Variants in SPAG16 observed in about 807,000 individuals in gnomAD.
The protein encoded by SPAG16 is sperm associated antigen 16, also known as sperm-associated antigen 16 protein.
In SPAG16, 86 loss-of-function variants were observed where a neutral mutation model predicts 80.4. The observed-to-expected ratio is 1.07, with a 90% CI of 0.90 to 1.28. SPAG16 has a LOEUF of 1.28. Ranked by LOEUF, SPAG16 falls within the 50% of genes most tolerant of loss-of-function variation. The pLI, the probability that SPAG16 is intolerant of heterozygous loss-of-function variation, is 0.00. For missense variants in SPAG16, 870 were observed against 765.3 expected, an observed-to-expected ratio of 1.14 and a Z score of -1.61; for synonymous variants, 294 against 265.9, an observed-to-expected ratio of 1.11 and a Z score of -1.03.
chr2:213,471,926 C>T (rs2073102429), intron 9 of SPAG16, among the ~76,000 whole-genome samples: 1 of 152,198 alleles, frequency 6.6e-6, no homozygotes, highest in Non-Finnish European at 1.5e-5. Flanking sequence ...AGATCCCACA[C>T]AACTGGACCC....
At chr2:213,367,671 T>C (rs2066389307) in intron 8 of SPAG16, among the ~76,000 whole-genome samples, 1 of 151,860 alleles carries the variant, frequency 6.6e-6, no homozygotes, top group African/African-American at 2.4e-5. Context: ...GAGTTCTTTG[T>C]AGATTCTGGA....
At chr2:213,759,045 A>G (rs2068502244) in intron 10 of SPAG16, among the ~76,000 whole-genome samples, 3 of 152,298 alleles carry the variant, frequency 2.0e-5, no homozygotes, top group South Asian at 4.1e-4. Context: ...AACAGAAAAC[A>G]TTATCAAACA....
chr2:214,395,516 C>G (rs1701314608), intron 15 of SPAG16, among the ~76,000 whole-genome samples: 1 of 152,056 alleles, frequency 6.6e-6, no homozygotes, highest in South Asian at 2.1e-4. Flanking sequence ...GTATTTGACC[C>G]ATTTTTAAAT....
intron 7 of SPAG16, among the ~76,000 whole-genome samples, chr2:213,350,990 C>T (rs1194944201): frequency 2.0e-5 from 3 of 148,656 alleles, no homozygotes; most frequent in African/African-American, 7.4e-5. Flanking sequence ...AAACAAAAAA[C>T]AAATAGCCGG....
At chr2:213,361,678 CT>C (rs2065986253) in intron 7 of SPAG16, among the ~76,000 whole-genome samples, 1 of 93,038 alleles carries the variant, frequency 1.1e-5, no homozygotes, top group African/African-American at 3.0e-5. Context: ...GAAAAAAAAA[CT>C]CAACATAATA....
intron 9 of SPAG16, among the ~76,000 whole-genome samples, chr2:213,407,704 GAGAC>G (rs1332804157): frequency 2.0e-5 from 3 of 147,246 alleles, no homozygotes; most frequent in Non-Finnish European, 4.5e-5. Context: ...GAGAGAGAGA[GAGAC>G]AGAGGAAAGA....
At chr2:213,638,046 C>T (rs1325533876) in intron 10 of SPAG16, among the ~76,000 whole-genome samples, 1 of 152,184 alleles carries the variant, frequency 6.6e-6, no homozygotes, top group Non-Finnish European at 1.5e-5. Flanking sequence ...CGTGAGCCAT[C>T]GTGCCCGGCT....
chr2:213,840,922 T>G (rs2074333470), intron 10 of SPAG16, among the ~76,000 whole-genome samples: 1 of 152,186 alleles, frequency 6.6e-6, no homozygotes, highest in Non-Finnish European at 1.5e-5. Flanking sequence ...GCATTATAAA[T>G]GAATAAAGCC....
At chr2:214,371,000 T>A (rs1232458937) in intron 15 of SPAG16, among the ~76,000 whole-genome samples, 1 of 152,134 alleles carries the variant, frequency 6.6e-6, no homozygotes, top group African/African-American at 2.4e-5. Flanking sequence ...TTAGTCCCCA[T>A]CCTCTGTGCT....
intron 10 of SPAG16, among the ~76,000 whole-genome samples, chr2:213,612,285 T>C (rs1355298934): frequency 1.3e-5 from 2 of 152,220 alleles, no homozygotes; most frequent in Non-Finnish European, 2.9e-5. Flanking sequence ...GAAATGTCAC[T>C]ATTAATATGT....
intron 10 of SPAG16, among the ~76,000 whole-genome samples, chr2:213,810,330 G>T (rs745946844): frequency 6.6e-6 from 1 of 152,142 alleles, no homozygotes; most frequent in Non-Finnish European, 1.5e-5. Flanking sequence ...TATAGTGGGA[G>T]TTCTGATGGA....
chr2:213,508,443 G>A (rs1457755520), intron 10 of SPAG16, among the ~76,000 whole-genome samples: 1 of 152,140 alleles, frequency 6.6e-6, no homozygotes, highest in African/African-American at 2.4e-5. Context: ...GCGGTGGCGG[G>A]CGCCTGTAGT....
At chr2:213,589,927 A>G (rs953092925) in intron 10 of SPAG16, among the ~76,000 whole-genome samples, 23 of 151,920 alleles carry the variant, frequency 1.5e-4, no homozygotes, top group African/African-American at 5.6e-4. Context: ...ATCTCAAAAA[A>G]AAAAAAAAAA....
At chr2:213,419,119 T>G (rs1377902119) in intron 9 of SPAG16, among the ~76,000 whole-genome samples, 1 of 94,984 alleles carries the variant, frequency 1.1e-5, no homozygotes, top group Non-Finnish European at 2.7e-5. Context: ...TACTCTTAGC[T>G]CCTCTTCTCA....
At chr2:213,312,335 A>C (rs1483536567) in intron 4 of SPAG16, among the ~76,000 whole-genome samples, 1 of 151,680 alleles carries the variant, frequency 6.6e-6, no homozygotes, top group East Asian at 1.9e-4. Flanking sequence ...GGGCAATGGT[A>C]ATTTCTCAGG....
intron 9 of SPAG16, among the ~76,000 whole-genome samples, chr2:213,486,860 C>T (rs1220817171): frequency 6.6e-6 from 1 of 151,800 alleles, no homozygotes; most frequent in Non-Finnish European, 1.5e-5. Context: ...AATTAACATG[C>T]CACTAGTTGC....
chr2:213,778,439 T>G (rs1157309368), intron 10 of SPAG16, among the ~76,000 whole-genome samples: 1 of 152,142 alleles, frequency 6.6e-6, no homozygotes, highest in African/African-American at 2.4e-5. Flanking sequence ...GCAAAAATTT[T>G]TATACCTTTC....
intron 9 of SPAG16, among the ~76,000 whole-genome samples, chr2:213,467,562 G>A (rs2072768751): frequency 6.6e-6 from 1 of 152,206 alleles, no homozygotes; most frequent in Non-Finnish European, 1.5e-5. Flanking sequence ...AGGGAGGAGG[G>A]GAGGCCTGGA....
intron 15 of SPAG16, among the ~76,000 whole-genome samples, chr2:214,336,089 CATT>C (rs1697272743): frequency 6.6e-6 from 1 of 152,028 alleles, no homozygotes; most frequent in Non-Finnish European, 1.5e-5. Context: ...ATAAAGTACT[CATT>C]AGTAGTTGAA....
Sources: gnomAD v4.1 joint callset for allele counts (sites outside exome capture counted in the v4.1 genomes callset) on GRCh38, gnomAD v4.1.1 for gene constraint, MANE v1.5 for transcripts, NCBI Gene and HGNC (gene_info 2026-07-23, HGNC 2026-07-21) for gene names.